Variants in LHX4 observed in about 807,000 individuals in gnomAD.
LHX4 encodes the protein LIM/homeobox protein Lhx4.
Under a neutral mutation model 39.2 loss-of-function variants are expected in LHX4, and 16 were observed. That is an observed-to-expected ratio of 0.41 (90% CI 0.28 to 0.62). LHX4 has a LOEUF of 0.62. LHX4 is among the 20% of genes least tolerant of loss of function. The probability of loss-of-function intolerance (pLI) is 0.33; values close to 1 mark genes in which losing one functional copy is unlikely to be tolerated. For synonymous variants in LHX4, 206 were observed against 198.1 expected (o/e 1.04, Z -0.33); for missense variants, 439 against 511.9 (o/e 0.86, Z 1.37).
intron 3 of LHX4, among the ~76,000 whole-genome samples, chr1:180,267,821 T>C (rs1007930644): frequency 2.6e-5 from 4 of 152,192 alleles, no homozygotes; most frequent in South Asian, 2.1e-4. Flanking sequence ...TTTTTGTTCA[T>C]TGAACACAGT....
At chr1:180,253,617 G>A (rs1416225285) in intron 2 of LHX4, among the ~76,000 whole-genome samples, 3 of 152,242 alleles carry the variant, frequency 2.0e-5, no homozygotes, top group African/African-American at 7.2e-5. Context: ...CAGGTAACTA[G>A]GTCTTTCTGA....
chr1:180,256,379 G>A (rs1358688558), intron 2 of LHX4, among the ~76,000 whole-genome samples: 5 of 152,268 alleles, frequency 3.3e-5, no homozygotes, highest in South Asian at 2.1e-4. Flanking sequence ...TCTGGTCCCC[G>A]GAGGCCTTCG....
Position 180,234,220 on chromosome 1 carries a change from T to TAAAAAA in LHX4, c.76+3617_76+3618insAAAAAA, listed in dbSNP as rs1553278639. Among the ~76,000 whole-genome samples, 1 of 70,230 alleles carries TAAAAAA rather than the reference T, an allele frequency of 1.4e-5. No individual in the cohort carries two copies. The highest frequency in any genetic ancestry group is 7.6e-5 in the African/African-American group (1 of 13,230). The allele number at this position is 70,230 out of a possible 152,430, so 46.1% of individuals were successfully genotyped here. A position where few individuals can be genotyped will look rare whatever the true frequency, so the allele number is the denominator to read the frequency against. ...ATATATATATATATATATATATATA[T>TAAAAAA]AATAGATTGAGATTCTATCATATTC... On this transcript the variant is annotated intron_variant, in intron 1 of 5. Coordinates refer to ENST00000263726, the MANE Select transcript of LHX4 (RefSeq NM_033343.4). The surrounding 1 kb of genome is among the most constrained non-coding windows in gnomAD (Gnocchi z 4.8).
At chr1:180,271,127 G>C (rs1032987251) in intron 3 of LHX4, 30 of 560,156 alleles carry the variant, frequency 5.4e-5, no homozygotes, top group African/African-American at 3.8e-4. Flanking sequence ...GGGCTGGCAG[G>C]GGAGGGTTGA....
intron 1 of LHX4, among the ~76,000 whole-genome samples, chr1:180,233,322 T>C (rs164981): frequency 6.6e-6 from 1 of 152,248 alleles, no homozygotes; most frequent in Middle Eastern, 3.4e-3. Context: ...GCCCTCCTGG[T>C]TTTTTACCGC....
In LHX4 at chr1:180,274,812, C is replaced by T. The variant is rs879238096; in HGVS notation, c.*233C>T. ...AGAACACAGCACAGGGGGTAATGGC[C>T]TAGAGCTCTAGGGACACTGGCTTGT... is the stretch of plus-strand genomic sequence containing the variant. On this transcript the variant is annotated 3_prime_UTR_variant, in exon 6 of 6. Transcript: ENST00000263726. The T allele has an allele frequency of 3.3e-5, 17 of 513,948 alleles. 1 individual carries two copies. The South Asian group carries it at 5.2e-4, about 16-fold the overall frequency. 31.8% of individuals were successfully genotyped at this position (513,948 alleles called of 1,614,324 possible).
intron 5 of LHX4, chr1:180,272,696 C>T (rs2794964): frequency 0.057 from 8,753 of 152,284 alleles, 360 homozygotes; most frequent in Non-Finnish European, 0.079. Context: ...AGGTCTTCTG[C>T]GGAGGGGGAA....
chr1:180,233,163 G>A (rs1325125474), intron 1 of LHX4, among the ~76,000 whole-genome samples: 1 of 152,214 alleles, frequency 6.6e-6, no homozygotes, highest in Non-Finnish European at 1.5e-5. Context: ...GATGGGTGAG[G>A]GGCATACCCT....
chr1:180,252,319 AG>A (rs1647666097), intron 2 of LHX4, among the ~76,000 whole-genome samples: 1 of 152,176 alleles, frequency 6.6e-6, no homozygotes, highest in Non-Finnish European at 1.5e-5. Context: ...CGGCTATAGA[AG>A]TCACATCTGT....
chr1:180,260,108 G>T lies in LHX4; in HGVS notation c.249-6284G>T, dbSNP rs561300016. ...CCCAGGCGGGAAGCAAGTGGAGCAG[G>T]GTGGCAGTGCAGCCACGGGGTGAGT... On this transcript the variant is annotated intron_variant, in intron 2 of 5. Coordinates refer to ENST00000263726, the MANE Select transcript of LHX4 (RefSeq NM_033343.4). Among the ~76,000 whole-genome samples the T allele has an allele frequency of 2.6e-5, 4 of 151,808 alleles. No individual in the cohort carries two copies. The East Asian group carries it at 5.8e-4, about 22-fold the overall frequency.
intron 2 of LHX4, among the ~76,000 whole-genome samples, chr1:180,263,438 G>A (rs1157399690): frequency 6.6e-6 from 1 of 152,204 alleles, no homozygotes; most frequent in Admixed American, 6.5e-5. Context: ...CTGGAGATGG[G>A]GTGGAGGGTG....
intron 2 of LHX4, among the ~76,000 whole-genome samples, chr1:180,262,371 C>G (rs1028403138): frequency 2.0e-5 from 3 of 151,936 alleles, no homozygotes; most frequent in Non-Finnish European, 4.4e-5. Flanking sequence ...TGCCTGTCAC[C>G]TGTCTTTACT....
At chr1:180,263,697 G>T (rs1467686257) in intron 2 of LHX4, among the ~76,000 whole-genome samples, 1 of 152,168 alleles carries the variant, frequency 6.6e-6, no homozygotes, top group Non-Finnish European at 1.5e-5. Flanking sequence ...ATCACTGTCG[G>T]TATGTAGATT....
chr1:180,276,746 T>C lies in LHX4; in HGVS notation c.*2167T>C, dbSNP rs954298194. ...TGCCCACCCAGATCACTGTTGCAGG[T>C]TGACTATTTGGCTTAGCAACTCATG... On this transcript the variant is annotated 3_prime_UTR_variant, in exon 6 of 6. Transcript: ENST00000263726. 3 of 151,910 alleles carry C rather than the reference T, an allele frequency of 2.0e-5. No individual in the cohort carries two copies. Among genetic ancestry groups the C allele is most frequent in the African/African-American group, 7.2e-5 (3 of 41,382 alleles). 9.4% of individuals were successfully genotyped at this position (151,910 alleles called of 1,614,324 possible).
intron 1 of LHX4, among the ~76,000 whole-genome samples, chr1:180,233,095 A>G (rs1664218294): frequency 6.6e-6 from 1 of 152,326 alleles, no homozygotes; most frequent in African/African-American, 2.4e-5. Flanking sequence ...TTTTAGAAGA[A>G]GTGATTTAAA....
chr1:180,274,139 C>G (rs752506962), intron 5 of LHX4, 46 bp from the exon 6 acceptor site: 5 of 1,612,312 alleles, frequency 3.1e-6, no homozygotes. Flanking sequence ...AGGGGACCAT[C>G]AGAGTCCTGG....
At chr1:180,269,335 A>C (rs1350030057) in intron 3 of LHX4, among the ~76,000 whole-genome samples, 1 of 152,186 alleles carries the variant, frequency 6.6e-6, no homozygotes, top group Non-Finnish European at 1.5e-5. Flanking sequence ...TAACTTCCGT[A>C]CCAAAGTTAT....
chr1:180,246,389 T>C (rs1353136862), intron 1 of LHX4, among the ~76,000 whole-genome samples: 3 of 152,176 alleles, frequency 2.0e-5, no homozygotes, highest in Non-Finnish European at 4.4e-5. Context: ...TTAAATTATA[T>C]CACAACCAAC....
intron 2 of LHX4, among the ~76,000 whole-genome samples, chr1:180,265,013 A>T (rs1475641661): frequency 6.6e-6 from 1 of 152,196 alleles, no homozygotes; most frequent in Non-Finnish European, 1.5e-5. Flanking sequence ...GGCCATGCCT[A>T]TTCCGGGCCC....
Sources: allele counts gnomAD v4.1 joint callset (sites outside exome capture counted in the v4.1 genomes callset), GRCh38; gene constraint gnomAD v4.1.1; non-coding constraint Gnocchi (gnomAD v3.1); transcripts MANE v1.5; gene names NCBI Gene and HGNC (gene_info 2026-07-23, HGNC 2026-07-21).